The following AGPAT3 variants were observed in gnomAD, a reference collection of about 807,000 sequenced individuals.
The protein encoded by AGPAT3 is 1-acyl-sn-glycerol-3-phosphate acyltransferase gamma.
In AGPAT3, 5 loss-of-function variants were observed where a neutral mutation model predicts 47.3. The observed-to-expected ratio is 0.11, with a 90% CI of 0.06 to 0.22. The LOEUF is 0.22. Among genes scored for constraint, AGPAT3 ranks in the 10% least tolerant of loss-of-function variants. AGPAT3 has a pLI of 1.00. For missense variants in AGPAT3, 315 were observed against 493.0 expected, an observed-to-expected ratio of 0.64 and a Z score of 3.42; for synonymous variants, 212 against 208.3, an observed-to-expected ratio of 1.02 and a Z score of -0.15.
rs75072102 is a variant in AGPAT3, at chr21:43,922,323, C to T, written c.-49+18304C>T. 9.7e-3 allele frequency among the ~76,000 whole-genome samples: 1,475 copies of T among 152,218 alleles called. 31 individuals carry two copies. Among genetic ancestry groups the T allele is most frequent in the African/African-American group, 0.034 (1,392 of 41,530 alleles). On this transcript the variant is annotated intron_variant, in intron 2 of 9. Coordinates refer to ENST00000291572, the MANE Select transcript of AGPAT3 (RefSeq NM_020132.5). The surrounding 1 kb of genome is among the most constrained non-coding windows in gnomAD (Gnocchi z 4.9). ...GGTGAACACATCAGCAAACAGGAAG[C>T]GTGGGGGGAAGCGTGCGTGCGAAGG...
At chr21:43,972,979 C>T (rs2089459915) in intron 7 of AGPAT3, among the ~76,000 whole-genome samples, 1 of 152,198 alleles carries the variant, frequency 6.6e-6, no homozygotes, top group Admixed American at 6.5e-5. Context: ...GCCGAGCCTG[C>T]CCACGGTGGC....
chr21:43,867,034 G>T (rs1289455433), intron 1 of AGPAT3: 1 of 152,300 alleles, frequency 6.6e-6, no homozygotes, highest in African/African-American at 2.4e-5. Context: ...GCCTGGACGC[G>T]CGTCTGTGTG....
intron 2 of AGPAT3, among the ~76,000 whole-genome samples, chr21:43,943,425 G>A (rs764588652): frequency 6.6e-6 from 1 of 151,984 alleles, no homozygotes; most frequent in African/African-American, 2.4e-5. Flanking sequence ...CCCTCCTGCC[G>A]TCCCATAGGA....
Position 43,930,256 on chromosome 21 carries a change from G to A in AGPAT3, c.-49+26237G>A, listed in dbSNP as rs1021515890. Among the ~76,000 whole-genome samples the A allele has an allele frequency of 2.0e-5, 3 of 152,194 alleles. No individual in the cohort carries two copies. The highest frequency in any genetic ancestry group is 2.9e-5 in the Non-Finnish European group (2 of 68,030). ...AGGTCTCAGGGCAGAGACGCCGCAC[G>A]GTGGGGTAGGGGGCTCTGGTGCCAA... On this transcript the variant is annotated intron_variant, in intron 2 of 9. Coordinates refer to ENST00000291572, the MANE Select transcript of AGPAT3 (RefSeq NM_020132.5). The surrounding 1 kb of genome is among the most constrained non-coding windows in gnomAD (Gnocchi z 5.0).
chr21:43,963,707 CAAAAAAAAAA>C (rs10582784), intron 3 of AGPAT3, among the ~76,000 whole-genome samples: 2 of 65,736 alleles, frequency 3.0e-5, no homozygotes, highest in African/African-American at 1.2e-4. Context: ...GACTCTGTCT[CAAAAAAAAAA>C]AAAAAAAAAA....
intron 2 of AGPAT3, among the ~76,000 whole-genome samples, chr21:43,906,338 A>G (rs1267559798): frequency 6.6e-6 from 1 of 152,194 alleles, no homozygotes. Flanking sequence ...CCCCCCGCCC[A>G]AGCTGGTGAG....
Position 43,985,460 on chromosome 21 carries a change from A to T in AGPAT3, c.*3068A>T. ...GAGTCTCTCTGCCTTGCCTGTCCCG[A>T]CTCCCTTTCGCGCACCGTGGCATGA... On this transcript the variant is annotated 3_prime_UTR_variant, in exon 10 of 10. Transcript: ENST00000291572. 3.3e-6 allele frequency: 1 copy of T among 298,962 alleles called. No individual in the cohort carries two copies. Among genetic ancestry groups the T allele is most frequent in the Non-Finnish European group, 6.6e-6 (1 of 152,496 alleles). 18.5% of individuals were successfully genotyped at this position (298,962 alleles called of 1,614,324 possible).
At position 43,888,738 on chromosome 21, in the gene AGPAT3, C is replaced by G. The variant is rs1258206351; in HGVS notation, c.-111-15219C>G. Among the ~76,000 whole-genome samples, 4 of 152,198 alleles carry G rather than the reference C, an allele frequency of 2.6e-5. No individual in the cohort carries two copies. The East Asian group carries it at 7.7e-4, about 29-fold the overall frequency. On this transcript the variant is annotated intron_variant, in intron 1 of 9. Coordinates refer to ENST00000291572, the MANE Select transcript of AGPAT3 (RefSeq NM_020132.5). Reference sequence around the variant, plus strand: ...GGGCGAGGTGCTTCACGCCTGTAATCCCAGCACTTTGGGAGGCCAAGGCGA... The same window carrying G: ...GGGCGAGGTGCTTCACGCCTGTAATGCCAGCACTTTGGGAGGCCAAGGCGA...
chr21:43,980,425 G>C (rs897538724), intron 8 of AGPAT3, among the ~76,000 whole-genome samples: 1 of 152,222 alleles, frequency 6.6e-6, no homozygotes, highest in African/African-American at 2.4e-5. Flanking sequence ...CTGCCAGCCT[G>C]TGCCTTTGAC....
At chr21:43,935,965 A>C (rs1187997073) in intron 2 of AGPAT3, among the ~76,000 whole-genome samples, 1 of 152,224 alleles carries the variant, frequency 6.6e-6, no homozygotes, top group Non-Finnish European at 1.5e-5. Flanking sequence ...GTCGGAAGCC[A>C]GAGTGTAGAA....
chr21:43,926,643 T>C lies in AGPAT3; in HGVS notation c.-49+22624T>C, dbSNP rs1183322444. ...TCCGTGAGCTACGCTGGCCTTTTTT[T>C]TTTTTTTTTTTTTTTTTTTTTTAAT... On this transcript the variant is annotated intron_variant, in intron 2 of 9. Transcript: ENST00000291572. Among the ~76,000 whole-genome samples the C allele has an allele frequency of 1.4e-3, 19 of 13,910 alleles. 1 individual carries two copies. In the South Asian group the frequency reaches 0.069, roughly 51 times the overall value. The allele number at this position is 13,910 out of a possible 152,430, so 9.1% of individuals were successfully genotyped here.
chr21:43,905,776 T>C (rs989972522), intron 2 of AGPAT3, among the ~76,000 whole-genome samples: 11 of 152,366 alleles, frequency 7.2e-5, no homozygotes, highest in African/African-American at 2.2e-4. Flanking sequence ...ATTCCCGCTC[T>C]TCTGCCTGTC....
In AGPAT3 at chr21:43,922,953, G is replaced by A. The variant is rs891889639; in HGVS notation, c.-49+18934G>A. Among the ~76,000 whole-genome samples the A allele has an allele frequency of 2.0e-4, 31 of 152,242 alleles. No homozygotes were observed. The highest frequency in any genetic ancestry group is 1.5e-5 in the Non-Finnish European group (1 of 68,030). On this transcript the variant is annotated intron_variant, in intron 2 of 9. Coordinates refer to ENST00000291572, the MANE Select transcript of AGPAT3 (RefSeq NM_020132.5). The surrounding 1 kb of genome is among the most constrained non-coding windows in gnomAD (Gnocchi z 4.9). ...GGCGGGCTCTGGGGTGCGAGCGTCT[G>A]TTCTGTGTCAGGAGTCCCTGTTTCT...
intron 2 of AGPAT3, among the ~76,000 whole-genome samples, chr21:43,907,975 C>T (rs919062504): frequency 6.6e-6 from 1 of 152,290 alleles, no homozygotes; most frequent in South Asian, 2.1e-4. Flanking sequence ...ACCGAGTAGT[C>T]CCCACCCTCG....
At chr21:43,923,778 C>G (rs2086967358) in intron 2 of AGPAT3, among the ~76,000 whole-genome samples, 2 of 152,208 alleles carry the variant, frequency 1.3e-5, no homozygotes. Context: ...ACCAGGGCTT[C>G]TGTCCCTGGG....
intron 1 of AGPAT3, among the ~76,000 whole-genome samples, chr21:43,899,377 C>A (rs1381090583): frequency 6.6e-6 from 1 of 152,074 alleles, no homozygotes; most frequent in African/African-American, 2.4e-5. Flanking sequence ...CTTCTAAGAT[C>A]AAAATTAAAA....
Position 43,865,258 on chromosome 21 carries a change from C to A in AGPAT3, c.-199C>A. 1 of 147,180 alleles carries A rather than the reference C, an allele frequency of 6.8e-6. No homozygotes were observed. Among genetic ancestry groups the A allele is most frequent in the South Asian group, 1.8e-4 (1 of 5,556 alleles). 9.1% of individuals were successfully genotyped at this position (147,180 alleles called of 1,614,324 possible). A position where few individuals can be genotyped will look rare whatever the true frequency, so the allele number is the denominator to read the frequency against. On this transcript the variant is annotated 5_prime_UTR_variant, in exon 1 of 10. Transcript: ENST00000291572. ...GCCCCGACGCAGGGCCGGGCCGGGCCCAGGGCCGAGGAGCGCGGCGGCCAG... is the reference window on the plus strand; with the variant it reads ...GCCCCGACGCAGGGCCGGGCCGGGCACAGGGCCGAGGAGCGCGGCGGCCAG...
rs1274587486 is a variant in AGPAT3, at chr21:43,981,745, C to G, written c.1042+558C>G. Among the ~76,000 whole-genome samples, 1 of 152,042 alleles carries G rather than the reference C, an allele frequency of 6.6e-6. No individual in the cohort carries two copies. The highest frequency in any genetic ancestry group is 1.5e-5 in the Non-Finnish European group (1 of 67,986). On this transcript the variant is annotated intron_variant, in intron 9 of 9. Coordinates refer to ENST00000291572, the MANE Select transcript of AGPAT3 (RefSeq NM_020132.5). The surrounding 1 kb of genome is among the most constrained non-coding windows in gnomAD (Gnocchi z 5.3). ...GGGTCTCTGTCCGTGGAGACACAGT[C>G]CGTGTGCATCGCCCCGTGAGCCGAC...
intron 1 of AGPAT3, among the ~76,000 whole-genome samples, chr21:43,878,932 G>A (rs1474912181): frequency 6.6e-6 from 1 of 151,970 alleles, no homozygotes; most frequent in Non-Finnish European, 1.5e-5. Context: ...GTAGAGATGA[G>A]GTTTCACCAT....
Sources: gnomAD v4.1 joint callset for allele counts (sites outside exome capture counted in the v4.1 genomes callset) on GRCh38, gnomAD v4.1.1 for gene constraint, Gnocchi (gnomAD v3.1) non-coding constraint, MANE v1.5 for transcripts, NCBI Gene and HGNC (gene_info 2026-07-23, HGNC 2026-07-21) for gene names.